TNIP1: variants seen among roughly 807,000 people sequenced by gnomAD.
TNIP1 encodes TNFAIP3-interacting protein 1.
A neutral mutation model predicts 86.6 loss-of-function variants in TNIP1; 22 were observed. The ratio of observed to expected loss-of-function variants is 0.25; its 90% CI spans 0.18 to 0.36. TNIP1 has a LOEUF of 0.36. Ranked by LOEUF, TNIP1 falls within the 10% of genes least tolerant of loss-of-function variation. TNIP1 has a pLI of 1.00. For synonymous variants in TNIP1, 294 were observed against 313.0 expected (o/e 0.94, Z 0.64); for missense variants, 709 against 820.6 (o/e 0.86, Z 1.66).
chr5:151,035,295 G>A (rs919565768), intron 14 of TNIP1, among the ~76,000 whole-genome samples: 8 of 152,250 alleles, frequency 5.3e-5, no homozygotes, highest in Admixed American at 5.2e-4. Flanking sequence ...GAGGGTTCAC[G>A]TGAACCTCGC....
chr5:151,041,003 C>T (rs1581754706), intron 11 of TNIP1, among the ~76,000 whole-genome samples: 1 of 152,046 alleles, frequency 6.6e-6, no homozygotes. Flanking sequence ...CCTGTTGTTT[C>T]CCCCCAAGAA....
chr5:151,074,217 AT>A lies in TNIP1; in HGVS notation c.-37+6662del, dbSNP rs201044027. ...CCCAATAATCATGTGCTATTTGGTA[AT>A]TTTTTTTAAAGGGAAATTTTAAAAT... On this transcript the variant is annotated intron_variant, in intron 1 of 17. Transcript: ENST00000521591. 8.5e-3 allele frequency among the ~76,000 whole-genome samples: 1,284 copies of A among 151,900 alleles called. 13 individuals are homozygous for A. Among genetic ancestry groups the A allele is most frequent in the African/African-American group, 0.026 (1,079 of 41,402 alleles).
At chr5:151,056,396 G>A (rs967041452) in intron 6 of TNIP1, among the ~76,000 whole-genome samples, 1 of 152,194 alleles carries the variant, frequency 6.6e-6, no homozygotes, top group African/African-American at 2.4e-5. Flanking sequence ...TTCCCCACCT[G>A]TGAAGTGGTG....
At chr5:151,063,863 A>C in intron 2 of TNIP1, 116 bp from the exon 3 acceptor site, 1 of 1,318,330 alleles carries the variant, frequency 7.6e-7, no homozygotes, top group East Asian at 2.4e-5. Context: ...CAGGCCCTGG[A>C]CTTCACTCCC....
chr5:151,031,701 C>A (rs997466629), intron 17 of TNIP1, among the ~76,000 whole-genome samples: 8 of 152,192 alleles, frequency 5.3e-5, no homozygotes, highest in African/African-American at 1.9e-4. Context: ...TCTTTCCCTA[C>A]CTTGTTCTTG....
chr5:151,047,180 G>GT (rs1047289690), intron 8 of TNIP1, among the ~76,000 whole-genome samples: 1 of 152,336 alleles, frequency 6.6e-6, no homozygotes, highest in Non-Finnish European at 1.5e-5. Flanking sequence ...CTGACATCAT[G>GT]TACCCCTGGT....
chr5:151,083,631 C>G (rs1015148499), upstream of TNIP1, among the ~76,000 whole-genome samples: 9 of 152,228 alleles, frequency 5.9e-5, no homozygotes, highest in African/African-American at 2.2e-4. Context: ...GAAGGAGAAT[C>G]AAACTGCCTT....
At chr5:151,042,087 C>T (rs1758491956) in intron 11 of TNIP1, among the ~76,000 whole-genome samples, 1 of 152,016 alleles carries the variant, frequency 6.6e-6, no homozygotes, top group Non-Finnish European at 1.5e-5. Context: ...ATTACAGGTG[C>T]CTGCTGCCAC....
Position 151,030,526 on chromosome 5 carries a change from T to C in TNIP1, c.*187A>G, listed in dbSNP as rs1429450507. The C allele has an allele frequency of 2.3e-6, 2 of 854,698 alleles. No individual in the cohort carries two copies. The highest frequency in any genetic ancestry group is 1.7e-5 in the African/African-American group (1 of 58,222). The allele number at this position is 854,698 out of a possible 1,614,324, so 52.9% of individuals were successfully genotyped here. On this transcript the variant is annotated 3_prime_UTR_variant, in exon 18 of 18. Coordinates refer to ENST00000521591, the MANE Select transcript of TNIP1 (RefSeq NM_006058.5). ...CAGCAGAGTACAAATGAAAGCCTTC[T>C]GGGTGGAGCCTCCCCAGTCCTGTAA...
intron 10 of TNIP1, 36 bp from the exon 11 acceptor site, chr5:151,042,707 G>C (rs762649713): frequency 1.7e-5 from 28 of 1,612,458 alleles, no homozygotes; most frequent in Non-Finnish European, 2.1e-5. Context: ...TGTGAGGCAA[G>C]GATGTAGAGC....
intron 11 of TNIP1, among the ~76,000 whole-genome samples, chr5:151,042,230 C>T (rs865884517): frequency 1.4e-4 from 22 of 152,026 alleles, no homozygotes; most frequent in Non-Finnish European, 2.8e-4. Context: ...CCATCGTGCC[C>T]GGCCACCTGC....
rs138781343 is a variant in TNIP1 at position 151,079,147 on chromosome 5, T to C, written c.-37+1733A>G. Among the ~76,000 whole-genome samples the C allele has an allele frequency of 5.4e-3, 823 of 152,290 alleles. 11 individuals carry two copies. The highest frequency in any genetic ancestry group is 0.019 in the African/African-American group (783 of 41,552). On this transcript the variant is annotated intron_variant, in intron 1 of 17. Transcript: ENST00000521591. ...CCCAGCGGCAGCTTCCAGAGGGGCA[T>C]GATCACGTGCTTCCATGAAGTGCCA... is the stretch of plus-strand genomic sequence containing the variant.
At chr5:151,082,493 T>C (rs1764097902), upstream of TNIP1, among the ~76,000 whole-genome samples, 1 of 152,160 alleles carries the variant, frequency 6.6e-6, no homozygotes, top group Admixed American at 6.6e-5. Flanking sequence ...TTCTTCCTGC[T>C]CTTTGTGCCT....
intron 12 of TNIP1, among the ~76,000 whole-genome samples, chr5:151,038,542 G>A (rs556732332): frequency 2.0e-5 from 3 of 152,106 alleles, no homozygotes; most frequent in Non-Finnish European, 4.4e-5. Flanking sequence ...CTACCCTGGG[G>A]GCCCCATCTC....
Position 151,062,169 on chromosome 5 carries a change from G to A in TNIP1, c.315C>T (p.Cys105=), listed in dbSNP as rs201415272. The change falls in exon 4 of 18, where the codon TGC becomes TGT. Residue 105 remains cysteine (C), a synonymous_variant. Transcript: ENST00000521591. Reference sequence around the variant, plus strand: ...GGACTGGTGCTGGCTTGTCACTGGGGCATGCAGGGGCTGTGGGAGATGCTG... The same window carrying A: ...GGACTGGTGCTGGCTTGTCACTGGGACATGCAGGGGCTGTGGGAGATGCTG... ...NVTASPTAPA[C]PSDKPAPVQK... is the part of the protein sequence containing the mutation. 9.9e-6 allele frequency: 16 copies of A among 1,614,158 alleles called. No individual in the cohort carries two copies. The highest frequency in any genetic ancestry group is 1.3e-5 in the Non-Finnish European group (15 of 1,180,006).
At chr5:151,051,092 CT>C (rs1759871305) in intron 7 of TNIP1, among the ~76,000 whole-genome samples, 1 of 152,136 alleles carries the variant, frequency 6.6e-6, no homozygotes, top group Non-Finnish European at 1.5e-5. Context: ...TAATCCGTGA[CT>C]TTTTTCCCCA....
intron 1 of TNIP1, among the ~76,000 whole-genome samples, chr5:151,075,944 A>ACACC (rs1444491447): frequency 2.6e-5 from 4 of 152,060 alleles, no homozygotes; most frequent in Non-Finnish European, 5.9e-5. Context: ...CCCCACACAC[A>ACACC]CACCCCTGCC....
intron 8 of TNIP1, among the ~76,000 whole-genome samples, chr5:151,046,993 A>G (rs575800998): frequency 1.2e-4 from 18 of 152,330 alleles, no homozygotes; most frequent in Admixed American, 2.0e-4. Flanking sequence ...GAGATCCACC[A>G]ATGGTCACTA....
At chr5:151,074,692 A>G (rs530169493) in intron 1 of TNIP1, among the ~76,000 whole-genome samples, 25 of 152,352 alleles carry the variant, frequency 1.6e-4, no homozygotes, top group African/African-American at 5.8e-4. Context: ...AAGCTACCTA[A>G]AATGAAGAGA....
Sources: allele counts gnomAD v4.1 joint callset (sites outside exome capture counted in the v4.1 genomes callset), GRCh38; gene constraint gnomAD v4.1.1; transcripts MANE v1.5; gene names NCBI Gene and HGNC (gene_info 2026-07-23, HGNC 2026-07-21).